The following PTAFR variants were observed in gnomAD, a reference collection of about 807,000 sequenced individuals.
The protein encoded by PTAFR is platelet activating factor receptor, also known as platelet-activating factor receptor.
PTAFR carries 8 observed loss-of-function variants against 14.7 expected under a neutral mutation model. The observed-to-expected ratio is 0.54, with a 90% confidence interval of 0.32 to 0.98. The LOEUF (loss-of-function observed/expected upper bound fraction) is 0.98, where lower values mean the gene tolerates loss of function less well. Ranked by LOEUF, PTAFR falls within the 50% of genes least tolerant of loss-of-function variation. The probability of loss-of-function intolerance (pLI) is 0.04; values close to 1 mark genes in which losing one functional copy is unlikely to be tolerated. For missense variants in PTAFR, 337 were observed against 451.2 expected (o/e 0.75, Z 2.29); for synonymous variants, 156 against 176.5 (o/e 0.88, Z 0.92).
At chr1:28,163,247 A>C (rs139080141) in intron 1 of PTAFR, among the ~76,000 whole-genome samples, 3 of 152,136 alleles carry the variant, frequency 2.0e-5, no homozygotes, top group Non-Finnish European at 4.4e-5. Context: ...CTGGGTCCCT[A>C]TGCACTGGGC....
chr1:28,184,335 C>T (rs542463187), intron 1 of PTAFR, among the ~76,000 whole-genome samples: 11 of 151,998 alleles, frequency 7.2e-5, no homozygotes, highest in African/African-American at 2.4e-4. Context: ...TCACGTGATC[C>T]GCCCACCTTG....
chr1:28,180,420 C>CAA (rs1217679803), upstream of PTAFR, among the ~76,000 whole-genome samples: 1 of 152,128 alleles, frequency 6.6e-6, no homozygotes, highest in Admixed American at 6.6e-5. Flanking sequence ...GCTGAGCCTG[C>CAA]AACAGGCAGG....
chr1:28,176,164 C>T (rs897817149), intron 1 of PTAFR, among the ~76,000 whole-genome samples: 4 of 152,048 alleles, frequency 2.6e-5, no homozygotes, highest in East Asian at 3.8e-4. Context: ...CAGAAGCAGC[C>T]GAGCACAGTG....
intron 1 of PTAFR, among the ~76,000 whole-genome samples, chr1:28,161,805 C>G (rs1403453425): frequency 1.3e-5 from 2 of 152,158 alleles, no homozygotes; most frequent in Admixed American, 6.6e-5. Context: ...TTGGTATCTT[C>G]AAAGGGGGGC....
intron 1 of PTAFR, chr1:28,193,594 A>C (rs1301346589): frequency 6.5e-6 from 1 of 153,464 alleles, no homozygotes; most frequent in African/African-American, 2.4e-5. Flanking sequence ...GGGTGCCAAC[A>C]GGAGGGAAAT....
At chr1:28,191,554 C>T (rs1016716613) in intron 1 of PTAFR, among the ~76,000 whole-genome samples, 1 of 146,802 alleles carries the variant, frequency 6.8e-6, no homozygotes, top group Non-Finnish European at 1.5e-5. Flanking sequence ...AGCAACATAG[C>T]GAAACCTCAT....
chr1:28,187,790 CTT>C (rs1475273630), intron 1 of PTAFR, among the ~76,000 whole-genome samples: 1 of 152,160 alleles, frequency 6.6e-6, no homozygotes, highest in African/African-American at 2.4e-5. Flanking sequence ...GCCAAGAAAA[CTT>C]CTTAAATTAA....
chr1:28,193,290 G>C (rs1488694655), intron 1 of PTAFR, among the ~76,000 whole-genome samples: 1 of 151,702 alleles, frequency 6.6e-6, no homozygotes, highest in Non-Finnish European at 1.5e-5. Flanking sequence ...GTGCAGTTGT[G>C]CATGTTGTGT....
intron 1 of PTAFR, among the ~76,000 whole-genome samples, chr1:28,185,793 T>C (rs917263112): frequency 2.0e-5 from 3 of 152,148 alleles, no homozygotes. Flanking sequence ...AGCAATTCCA[T>C]AGAAAAATTA....
At chr1:28,153,930 TG>T (rs1430759082) in intron 1 of PTAFR, among the ~76,000 whole-genome samples, 2 of 151,914 alleles carry the variant, frequency 1.3e-5, no homozygotes, top group Non-Finnish European at 2.9e-5. Context: ...GGTGCTTGCC[TG>T]TAGTCCTAGC....
Position 28,150,516 on chromosome 1 carries a change from T to C in PTAFR, c.506A>G (p.Asn169Ser). ...GTAATGCTCAAAGCAGCGAGTGACGTTGCCTGAGCCAGCACTGTCGGGCAC... is the reference window on the plus strand; with the variant it reads ...GTAATGCTCAAAGCAGCGAGTGACGCTGCCTGAGCCAGCACTGTCGGGCAC... ...NTVPDSAGSGNVTRCFEHYEK... is the reference protein window; with the variant it reads ...NTVPDSAGSGSVTRCFEHYEK... The change falls in exon 2 of 2, where the codon AAC (asparagine) becomes AGC (serine). Residue 169 changes from asparagine (N) to serine (S), a missense_variant. Asn to Ser is a conservative substitution (Grantham distance 46). Transcript: ENST00000373857. The surrounding 1 kb of genome is among the most constrained non-coding windows in gnomAD (Gnocchi z 6.3). 6.2e-7 allele frequency: 1 copy of C among 1,614,188 alleles called. No individual in the cohort carries two copies. The highest frequency in any genetic ancestry group is 8.5e-7 in the Non-Finnish European group (1 of 1,180,012).
upstream of PTAFR, among the ~76,000 whole-genome samples, chr1:28,180,624 T>C (rs1429791317): frequency 6.6e-6 from 1 of 152,072 alleles, no homozygotes; most frequent in Admixed American, 6.6e-5. Flanking sequence ...AATCCCACAG[T>C]GGGTCTGGAG....
At chr1:28,178,636 G>GC (rs1283082920), upstream of PTAFR, among the ~76,000 whole-genome samples, 1 of 146,712 alleles carries the variant, frequency 6.8e-6, no homozygotes, top group East Asian at 2.0e-4. Context: ...TCCACCTCCA[G>GC]CCCCCCATCA....
intron 1 of PTAFR, among the ~76,000 whole-genome samples, chr1:28,152,668 G>A (rs964782810): frequency 2.6e-5 from 4 of 152,140 alleles, no homozygotes; most frequent in Admixed American, 6.5e-5. Context: ...ACTTGAACCC[G>A]GGAGGTGGAG....
At chr1:28,162,808 G>T (rs1023979078) in intron 1 of PTAFR, among the ~76,000 whole-genome samples, 1 of 123,116 alleles carries the variant, frequency 8.1e-6, no homozygotes, top group African/African-American at 3.2e-5. Context: ...CAGCCTGGGC[G>T]ACAGAGCGAG....
chr1:28,156,123 T>A (rs1231941781), intron 1 of PTAFR, among the ~76,000 whole-genome samples: 1 of 151,666 alleles, frequency 6.6e-6, no homozygotes, highest in African/African-American at 2.4e-5. Flanking sequence ...ATCAGCCGGG[T>A]GTGGTGGCAG....
At chr1:28,167,640 T>TA (rs1646400927) in intron 1 of PTAFR, among the ~76,000 whole-genome samples, 1 of 127,180 alleles carries the variant, frequency 7.9e-6, no homozygotes, top group African/African-American at 3.2e-5. Context: ...GGGATTTTTT[T>TA]TTTTTTTTTT....
intron 1 of PTAFR, among the ~76,000 whole-genome samples, chr1:28,189,596 G>A (rs1344623155): frequency 3.3e-5 from 5 of 151,846 alleles, no homozygotes; most frequent in South Asian, 2.1e-4. Flanking sequence ...CTGGGCAACA[G>A]AGTGAGATTC....
intron 1 of PTAFR, among the ~76,000 whole-genome samples, chr1:28,190,578 C>T (rs758324055): frequency 6.6e-6 from 1 of 152,156 alleles, no homozygotes; most frequent in Non-Finnish European, 1.5e-5. Context: ...GCCACATCAT[C>T]TATCAGGCTT....
Sources: allele counts gnomAD v4.1 joint callset (sites outside exome capture counted in the v4.1 genomes callset), GRCh38; gene constraint gnomAD v4.1.1; non-coding constraint Gnocchi (gnomAD v3.1); transcripts MANE v1.5; gene names NCBI Gene and HGNC (gene_info 2026-07-23, HGNC 2026-07-21).